Variants in MYBL2 observed in about 807,000 individuals in gnomAD.
MYBL2 encodes the protein myb-related protein B.
MYBL2 carries 28 observed loss-of-function variants against 79.9 expected under a neutral mutation model. That is an observed-to-expected ratio of 0.35 (90% CI 0.26 to 0.48). MYBL2 has a LOEUF of 0.48. Ranked by LOEUF, MYBL2 falls within the 20% of genes least tolerant of loss-of-function variation. The pLI, the probability that MYBL2 is intolerant of heterozygous loss-of-function variation, is 0.99. For synonymous variants in MYBL2, 378 were observed against 361.2 expected (o/e 1.05, Z -0.53); for missense variants, 735 against 893.9 (o/e 0.82, Z 2.27).
chr20:43,708,266 AT>A (rs1987833201), intron 9 of MYBL2, among the ~76,000 whole-genome samples: 1 of 151,682 alleles, frequency 6.6e-6, no homozygotes, highest in Non-Finnish European at 1.5e-5. Flanking sequence ...TGCTTGGCTA[AT>A]TTTTTTGTTT....
At chr20:43,694,711 T>A (rs188157822) in intron 6 of MYBL2, among the ~76,000 whole-genome samples, 4 of 152,340 alleles carry the variant, frequency 2.6e-5, no homozygotes, top group Admixed American at 6.5e-5. Flanking sequence ...CTTCTTTTTC[T>A]GGTTTCAACT....
chr20:43,698,630 G>A (rs967944577), intron 6 of MYBL2, among the ~76,000 whole-genome samples: 45 of 149,772 alleles, frequency 3.0e-4, no homozygotes, highest in African/African-American at 1.0e-3. Flanking sequence ...CGCCCGTCTC[G>A]GCCTCCCAAT....
chr20:43,710,685 C>T (rs543371285), intron 10 of MYBL2, among the ~76,000 whole-genome samples: 55 of 152,310 alleles, frequency 3.6e-4, no homozygotes, highest in Non-Finnish European at 1.6e-4. Flanking sequence ...CCCCTGCTGT[C>T]TCTCTCCACT....
chr20:43,707,013 C>CA (rs1196548744), intron 9 of MYBL2, among the ~76,000 whole-genome samples: 2 of 149,824 alleles, frequency 1.3e-5, no homozygotes, highest in African/African-American at 2.4e-5. Context: ...TGCTCCCAGC[C>CA]AAAAAAAATT....
intron 2 of MYBL2, among the ~76,000 whole-genome samples, chr20:43,677,178 G>T (rs535371983): frequency 2.0e-5 from 3 of 152,168 alleles, no homozygotes; most frequent in Admixed American, 6.5e-5. Context: ...TTTGGCTCTT[G>T]TGGGCTTAGA....
chr20:43,710,280 G>A (rs572598657), intron 10 of MYBL2, among the ~76,000 whole-genome samples: 9 of 152,324 alleles, frequency 5.9e-5, no homozygotes, highest in East Asian at 1.9e-4. Flanking sequence ...AGCACGCGCC[G>A]GCTGGTGCTA....
chr20:43,689,319 A>C (rs1987352303), intron 5 of MYBL2, among the ~76,000 whole-genome samples: 1 of 152,140 alleles, frequency 6.6e-6, no homozygotes, highest in Admixed American at 6.6e-5. Context: ...TCAAACCTGA[A>C]TGTGTCATCT....
intron 2 of MYBL2, among the ~76,000 whole-genome samples, chr20:43,677,345 TA>T (rs1356029392): frequency 6.6e-6 from 1 of 152,236 alleles, no homozygotes; most frequent in Non-Finnish European, 1.5e-5. Context: ...GGGCACCTGC[TA>T]ATTGTAAGAT....
In MYBL2 at chr20:43,716,180, C is replaced by T; in HGVS notation, c.*93C>T. The T allele has an allele frequency of 8.3e-6, 13 of 1,568,878 alleles. No homozygotes were observed. Among genetic ancestry groups the T allele is most frequent in the Non-Finnish European group, 1.1e-5 (13 of 1,164,174 alleles). On this transcript the variant is annotated 3_prime_UTR_variant, in exon 14 of 14. Coordinates refer to ENST00000217026, the MANE Select transcript of MYBL2 (RefSeq NM_002466.4). ...ATCTGAGAGTCATTCAGGTGACCTC[C>T]TGCAGGGAGCCTTCTGCCACCAGCC...
chr20:43,699,107 C>T lies in MYBL2; in HGVS notation c.664-650C>T, dbSNP rs557204416. Among the ~76,000 whole-genome samples the T allele has an allele frequency of 1.3e-3, 196 of 152,232 alleles. 1 individual carries two copies. The highest frequency in any genetic ancestry group is 0.012 in the South Asian group (59 of 4,828). On this transcript the variant is annotated intron_variant, in intron 6 of 13. Transcript: ENST00000217026. ...AGGCTGTAGTGCAATGGTGCGATCTCAGCTCACTGCAACCTCTGCCTCCCA... is the reference window on the plus strand; with the variant it reads ...AGGCTGTAGTGCAATGGTGCGATCTTAGCTCACTGCAACCTCTGCCTCCCA...
intron 6 of MYBL2, among the ~76,000 whole-genome samples, chr20:43,692,897 C>T (rs1022420335): frequency 6.6e-6 from 1 of 152,216 alleles, no homozygotes; most frequent in Admixed American, 6.6e-5. Context: ...ACAACAGTCC[C>T]ATCACCCCAG....
intron 2 of MYBL2, among the ~76,000 whole-genome samples, chr20:43,674,488 A>G (rs1986957252): frequency 6.6e-6 from 1 of 151,570 alleles, no homozygotes; most frequent in African/African-American, 2.4e-5. Context: ...CCAGGTTCCA[A>G]GCAATTCTCC....
At position 43,679,361 on chromosome 20, in the gene MYBL2, C is replaced by T. The variant is rs1987092154; in HGVS notation, c.115-2423C>T. The stretch of plus-strand genomic sequence containing the variant: ...AAAACCACCTCACTTTAAATTTATC[C>T]CCTTTTCCTCCCCCTTAAATCTACC... On this transcript the variant is annotated intron_variant, in intron 2 of 13. Coordinates refer to ENST00000217026, the MANE Select transcript of MYBL2 (RefSeq NM_002466.4). 2.0e-5 allele frequency among the ~76,000 whole-genome samples: 3 copies of T among 152,168 alleles called. 1 individual carries two copies. The South Asian group carries it at 6.2e-4, about 32-fold the overall frequency.
chr20:43,667,212 T>G lies in MYBL2; in HGVS notation c.-72T>G, dbSNP rs1986734411. 3 of 1,133,562 alleles carry G rather than the reference T, an allele frequency of 2.6e-6. No individual in the cohort carries two copies. The East Asian group carries it at 1.2e-4, about 44-fold the overall frequency. The allele number at this position is 1,133,562 out of a possible 1,614,324, so 70.2% of individuals were successfully genotyped here. ...GGAGCGGCCGGAGCAGCCCGGGTCCTGACCCCGGCCCGGCTCCCGCTCCGG... is the reference window on the plus strand; with the variant it reads ...GGAGCGGCCGGAGCAGCCCGGGTCCGGACCCCGGCCCGGCTCCCGCTCCGG... On this transcript the variant is annotated 5_prime_UTR_variant, in exon 1 of 14. Coordinates refer to ENST00000217026, the MANE Select transcript of MYBL2 (RefSeq NM_002466.4).
intron 6 of MYBL2, among the ~76,000 whole-genome samples, chr20:43,699,164 G>A (rs1047722300): frequency 4.6e-5 from 7 of 151,976 alleles, no homozygotes; most frequent in African/African-American, 9.6e-5. Context: ...TCAGCCTCCC[G>A]AGTAGCTAGG....
At chr20:43,715,082 C>T in intron 12 of MYBL2, 52 bp from the exon 13 acceptor site, 2 of 1,603,128 alleles carry the variant, frequency 1.2e-6, no homozygotes, top group Admixed American at 1.7e-5. Flanking sequence ...TTTTTCTTCC[C>T]TCTCACAGCT....
chr20:43,708,044 C>G (rs420755), intron 9 of MYBL2, among the ~76,000 whole-genome samples: 114,520 of 152,104 alleles, frequency 0.75, 44,149 homozygotes, highest in Non-Finnish European at 0.83. Flanking sequence ...ATTTACAGAG[C>G]TGCATTTTTT....
At chr20:43,690,861 G>C (rs1003424330) in intron 5 of MYBL2, among the ~76,000 whole-genome samples, 2 of 152,180 alleles carry the variant, frequency 1.3e-5, no homozygotes, top group African/African-American at 2.4e-5. Context: ...TGGGATTACA[G>C]GCGTGAGCCA....
chr20:43,712,611 G>T (rs1987932938), intron 11 of MYBL2, among the ~76,000 whole-genome samples: 1 of 152,170 alleles, frequency 6.6e-6, no homozygotes, highest in Admixed American at 6.5e-5. Context: ...GTCCTGAGGG[G>T]TTTGTGTTCC....
Sources: gnomAD v4.1 joint callset for allele counts (sites outside exome capture counted in the v4.1 genomes callset) on GRCh38, gnomAD v4.1.1 for gene constraint, MANE v1.5 for transcripts, NCBI Gene and HGNC (gene_info 2026-07-23, HGNC 2026-07-21) for gene names.